LEPR: variants seen among roughly 807,000 people sequenced by gnomAD.
LEPR encodes the protein leptin receptor.
A neutral mutation model predicts 114.7 loss-of-function variants in LEPR; 56 were observed. The ratio of observed to expected loss-of-function variants is 0.49; its 90% confidence interval spans 0.39 to 0.61. The LOEUF is 0.61. LEPR is among the 20% of genes least tolerant of loss of function. The probability of loss-of-function intolerance (pLI) is 0.00; values close to 1 mark genes in which losing one functional copy is unlikely to be tolerated. For synonymous variants in LEPR, 443 were observed against 461.4 expected (o/e 0.96, Z 0.51); for missense variants, 1,202 against 1,352.9 (o/e 0.89, Z 1.75).
chr1:65,540,380 G>A (rs1023935447), intron 2 of LEPR, among the ~76,000 whole-genome samples: 1 of 152,168 alleles, frequency 6.6e-6, no homozygotes, highest in Non-Finnish European at 1.5e-5. Flanking sequence ...TTTGGGTCAT[G>A]GGGTGGGTCC....
At chr1:65,569,125 C>T (rs567854438) in intron 3 of LEPR, among the ~76,000 whole-genome samples, 34 of 152,180 alleles carry the variant, frequency 2.2e-4, no homozygotes, top group Non-Finnish European at 3.5e-4. Context: ...TGTATCTTTT[C>T]GTGACTTGAT....
At chr1:65,619,796 A>G (rs565865422) in intron 16 of LEPR, 132 bp from the exon 17 acceptor site, 1 of 751,012 alleles carries the variant, frequency 1.3e-6, no homozygotes, top group Non-Finnish European at 2.2e-6. Flanking sequence ...TTGATAATTT[A>G]ATCCACAAAT....
At chr1:65,530,610 G>A (rs779769658) in intron 2 of LEPR, among the ~76,000 whole-genome samples, 23 of 152,246 alleles carry the variant, frequency 1.5e-4, no homozygotes, top group East Asian at 5.8e-4. Flanking sequence ...CTTTCATGGC[G>A]CTGGTGGGAG....
At chr1:65,458,535 A>G (rs1180108911) in intron 2 of LEPR, among the ~76,000 whole-genome samples, 2 of 152,154 alleles carry the variant, frequency 1.3e-5, no homozygotes, top group African/African-American at 4.8e-5. Context: ...ATTCCAACGT[A>G]ATACTTATCC....
At chr1:65,612,260 T>C (rs998629920) in intron 14 of LEPR, among the ~76,000 whole-genome samples, 1 of 152,240 alleles carries the variant, frequency 6.6e-6, no homozygotes, top group African/African-American at 2.4e-5. Flanking sequence ...ACGGCAAAGA[T>C]AGTACAGAGA....
chr1:65,433,586 T>C lies in LEPR; in HGVS notation c.-21+8208T>C, dbSNP rs943455934. 4.1e-6 allele frequency: 4 copies of C among 985,248 alleles called. No homozygotes were observed. The African/African-American group carries it at 7.0e-5, about 17-fold the overall frequency. The allele number at this position is 985,248 out of a possible 1,614,324, so 61.0% of individuals were successfully genotyped here. On this transcript the variant is annotated intron_variant, in intron 2 of 19. Coordinates refer to ENST00000349533, the MANE Select transcript of LEPR (RefSeq NM_002303.6). ...CAGGTATGATGCTGGGACTGGAAAA[T>C]AGAAAGTAATAACTAAAGGGTTAAT...
At chr1:65,516,148 T>A (rs890041046) in intron 2 of LEPR, among the ~76,000 whole-genome samples, 1 of 152,160 alleles carries the variant, frequency 6.6e-6, no homozygotes, top group Admixed American at 6.6e-5. Flanking sequence ...AGGTTTAGAA[T>A]TTTCCTTGAT....
intron 2 of LEPR, among the ~76,000 whole-genome samples, chr1:65,465,950 G>A (rs1315264949): frequency 6.6e-6 from 1 of 152,126 alleles, no homozygotes; most frequent in Non-Finnish European, 1.5e-5. Context: ...CCTGAATACA[G>A]CACACTGATG....
intron 2 of LEPR, chr1:65,432,128 A>G (rs529698034): frequency 8.0e-7 from 1 of 1,245,910 alleles, no homozygotes; most frequent in Non-Finnish European, 1.0e-6. Flanking sequence ...TGTTACTCAA[A>G]TTATGTTACT....
intron 2 of LEPR, among the ~76,000 whole-genome samples, chr1:65,534,316 G>A (rs541544293): frequency 8.5e-5 from 13 of 152,140 alleles, no homozygotes; most frequent in East Asian, 7.7e-4. Flanking sequence ...TTAAGTTATC[G>A]AAGTTGAAAA....
intron 2 of LEPR, among the ~76,000 whole-genome samples, chr1:65,511,277 A>G (rs1442753757): frequency 6.6e-6 from 1 of 152,176 alleles, no homozygotes; most frequent in Non-Finnish European, 1.5e-5. Context: ...AGGACCACCA[A>G]CATCCACACA....
At chr1:65,531,462 T>A (rs1343831909) in intron 2 of LEPR, among the ~76,000 whole-genome samples, 1 of 151,918 alleles carries the variant, frequency 6.6e-6, no homozygotes, top group Non-Finnish European at 1.5e-5. Context: ...CTCCTCTCCT[T>A]TGTGTCTCCC....
chr1:65,636,262 T>G lies in LEPR; in HGVS notation c.2745T>G (p.Pro915=), dbSNP rs750097554. 5.6e-6 allele frequency: 9 copies of G among 1,613,852 alleles called. No homozygotes were observed. The East Asian group carries it at 1.6e-4, about 28-fold the overall frequency. ...CATGTGGTCCTCTTCTTTTGGAGCCTGAAACAATTTCAGAAGATATCAGTG... is the reference window on the plus strand; with the variant it reads ...CATGTGGTCCTCTTCTTTTGGAGCCGGAAACAATTTCAGAAGATATCAGTG... ...SVTCGPLLLE[P]ETISEDISVD... is the part of the protein sequence containing the mutation. Residue 915 remains proline (P), a synonymous_variant, in exon 20 of 20, where the codon CCT becomes CCG. Transcript: ENST00000349533.
intron 11 of LEPR, among the ~76,000 whole-genome samples, chr1:65,606,986 G>A (rs1570803379): frequency 6.6e-6 from 1 of 152,114 alleles, no homozygotes. Context: ...TTTGGCAAGT[G>A]AGACTTGGAG....
intron 2 of LEPR, among the ~76,000 whole-genome samples, chr1:65,445,329 G>A (rs1276709591): frequency 2.6e-5 from 4 of 152,204 alleles, no homozygotes; most frequent in African/African-American, 9.6e-5. Context: ...ATGAATTAAG[G>A]TAGGTTTGTT....
chr1:65,447,241 G>C (rs780239007), intron 2 of LEPR, among the ~76,000 whole-genome samples: 1 of 151,962 alleles, frequency 6.6e-6, no homozygotes, highest in Non-Finnish European at 1.5e-5. Context: ...ATTTAGGTCT[G>C]TAATACATTT....
chr1:65,546,470 C>G (rs1053107464), intron 2 of LEPR, among the ~76,000 whole-genome samples: 3 of 152,038 alleles, frequency 2.0e-5, no homozygotes, highest in Non-Finnish European at 4.4e-5. Flanking sequence ...TGTTTGTATC[C>G]TCTTTTATTT....
Position 65,633,909 on chromosome 1 carries a change from T to C in LEPR, c.2674-2282T>C. ...GATGACCCTACATACCCAGGTCAGA[T>C]TGACGGGACCAGAAGGGAACATCGA... On this transcript the variant is annotated intron_variant, in intron 19 of 19. Transcript: ENST00000349533. The surrounding 1 kb of genome is among the most constrained non-coding windows in gnomAD (Gnocchi z 4.1). 1.0e-6 allele frequency: 1 copy of C among 985,462 alleles called. No individual in the cohort carries two copies. The highest frequency in any genetic ancestry group is 1.2e-6 in the Non-Finnish European group (1 of 829,946). 61.0% of individuals were successfully genotyped at this position (985,462 alleles called of 1,614,324 possible).
intron 2 of LEPR, among the ~76,000 whole-genome samples, chr1:65,488,180 C>CTTTA (rs1166477256): frequency 6.0e-5 from 1 of 16,592 alleles, no homozygotes; most frequent in Non-Finnish European, 1.3e-4. Context: ...TTCTTTCTTT[C>CTTTA]TTTCTTTCTT....
Sources: allele counts gnomAD v4.1 joint callset (sites outside exome capture counted in the v4.1 genomes callset), GRCh38; gene constraint gnomAD v4.1.1; non-coding constraint Gnocchi (gnomAD v3.1); transcripts MANE v1.5; gene names NCBI Gene and HGNC (gene_info 2026-07-23, HGNC 2026-07-21).